Variants in CERKL observed in about 807,000 individuals in gnomAD.
CERKL encodes the protein CERK like autophagy regulator.
A neutral mutation model predicts 63.4 loss-of-function variants in CERKL; 61 were observed. The observed-to-expected ratio is 0.96, with a 90% CI of 0.78 to 1.19. The LOEUF (loss-of-function observed/expected upper bound fraction) is 1.19. CERKL is among the 50% of genes most tolerant of loss of function. The pLI, the probability that CERKL is intolerant of heterozygous loss-of-function variation, is 0.00. For synonymous variants in CERKL, 250 were observed against 230.5 expected, an observed-to-expected ratio of 1.08 and a Z score of -0.77; for missense variants, 675 against 655.5, an observed-to-expected ratio of 1.03 and a Z score of -0.33.
intron 4 of CERKL, among the ~76,000 whole-genome samples, chr2:181,561,163 C>T (rs1688423543): frequency 6.6e-6 from 1 of 152,152 alleles, no homozygotes; most frequent in African/African-American, 2.4e-5. Flanking sequence ...CATGCAATTC[C>T]AGCACTTTGG....
chr2:181,649,188 A>G (rs1216024811), intron 1 of CERKL, among the ~76,000 whole-genome samples: 1 of 152,240 alleles, frequency 6.6e-6, no homozygotes, highest in Non-Finnish European at 1.5e-5. Flanking sequence ...TTAAAGACAG[A>G]CTGAAAGTGA....
intron 1 of CERKL, among the ~76,000 whole-genome samples, chr2:181,629,222 A>G (rs1021519931): frequency 6.6e-6 from 1 of 152,208 alleles, no homozygotes; most frequent in Non-Finnish European, 1.5e-5. Flanking sequence ...CAGAATGCCT[A>G]ACCAAAAAAA....
At chr2:181,584,311 A>G (rs911430373) in intron 2 of CERKL, among the ~76,000 whole-genome samples, 5 of 151,980 alleles carry the variant, frequency 3.3e-5, no homozygotes, top group Non-Finnish European at 7.4e-5. Flanking sequence ...CAGGAGTTAA[A>G]GGCTACCCTA....
At chr2:181,654,660 A>C (rs1295379350) in intron 1 of CERKL, among the ~76,000 whole-genome samples, 1 of 152,182 alleles carries the variant, frequency 6.6e-6, no homozygotes, top group Non-Finnish European at 1.5e-5. Flanking sequence ...ACTTTGATGT[A>C]GCTCCCTCTT....
At chr2:181,541,769 G>A (rs1187279719) in intron 11 of CERKL, among the ~76,000 whole-genome samples, 1 of 152,218 alleles carries the variant, frequency 6.6e-6, no homozygotes, top group Admixed American at 6.5e-5. Context: ...TAGGGGACTG[G>A]TAGTGAGGAA....
At chr2:181,640,433 T>A (rs1400935754) in intron 1 of CERKL, among the ~76,000 whole-genome samples, 1 of 152,090 alleles carries the variant, frequency 6.6e-6, no homozygotes, top group East Asian at 1.9e-4. Flanking sequence ...CGGTCAGAAG[T>A]CTGTGTTTAG....
At chr2:181,612,894 A>G (rs1686027551) in intron 1 of CERKL, among the ~76,000 whole-genome samples, 1 of 152,180 alleles carries the variant, frequency 6.6e-6, no homozygotes, top group African/African-American at 2.4e-5. Flanking sequence ...TTTCTGATTC[A>G]TATGGAAAAT....
intron 2 of CERKL, among the ~76,000 whole-genome samples, chr2:181,591,530 A>G (rs1178815378): frequency 6.6e-6 from 1 of 152,178 alleles, no homozygotes; most frequent in Non-Finnish European, 1.5e-5. Context: ...GGGGCCAAAA[A>G]AAGAGCTGCC....
intron 12 of CERKL, 108 bp downstream of exon 12, chr2:181,538,984 A>G: frequency 7.0e-6 from 6 of 857,248 alleles, no homozygotes; most frequent in Non-Finnish European, 1.2e-5. Context: ...CTGATTTTTT[A>G]AAAACTAACC....
chr2:181,613,827 A>G (rs1686075818), intron 1 of CERKL, among the ~76,000 whole-genome samples: 1 of 152,210 alleles, frequency 6.6e-6, no homozygotes, highest in Non-Finnish European at 1.5e-5. Flanking sequence ...TGCTACATGA[A>G]TAAATGTGAC....
At chr2:181,619,283 G>A (rs1335271638) in intron 1 of CERKL, among the ~76,000 whole-genome samples, 2 of 151,356 alleles carry the variant, frequency 1.3e-5, no homozygotes, top group Non-Finnish European at 2.9e-5. Context: ...GGCACCAACA[G>A]AAAACATGAC....
intron 1 of CERKL, among the ~76,000 whole-genome samples, chr2:181,618,940 C>CT (rs1303440042): frequency 6.6e-6 from 1 of 152,176 alleles, no homozygotes; most frequent in East Asian, 1.9e-4. Context: ...TGCATTGCAT[C>CT]TTTCTTCACC....
rs754044223 is a variant in CERKL at position 181,539,204 on chromosome 2, T to C, written c.1426A>G (p.Asn476Asp). ...VEEVKVHPRNNTGGYNPEEEE... is the reference protein window; with the variant it reads ...VEEVKVHPRNDTGGYNPEEEE... The stretch of plus-strand genomic sequence containing the variant: ...TCCTCTGGATTATATCCACCAGTAT[T>C]ATTCCTTGGATGAACTTTTACTTCC... The change falls in exon 12 of 13, where the codon AAT (asparagine) becomes GAT (aspartate). Residue 476 changes from asparagine to aspartate, a missense_variant. Coordinates refer to ENST00000410087, the MANE Select transcript of CERKL (RefSeq NM_201548.5). 14 of 1,606,180 alleles carry C rather than the reference T, an allele frequency of 8.7e-6. No individual in the cohort carries two copies. The highest frequency in any genetic ancestry group is 1.1e-5 in the Non-Finnish European group (13 of 1,172,978).
At chr2:181,646,653 A>C (rs1458724844) in intron 1 of CERKL, among the ~76,000 whole-genome samples, 1 of 152,254 alleles carries the variant, frequency 6.6e-6, no homozygotes, top group East Asian at 1.9e-4. Context: ...TGGCAGGCAG[A>C]TAGAATGAAG....
Position 181,575,792 on chromosome 2 carries a change from C to T in CERKL, c.482-1908G>A, listed in dbSNP as rs561055291. 3.2e-3 allele frequency among the ~76,000 whole-genome samples: 494 copies of T among 152,204 alleles called. 6 individuals are homozygous for T. The highest frequency in any genetic ancestry group is 7.5e-3 in the Admixed American group (114 of 15,288). Reference sequence around the variant, plus strand: ...TATTATTGCCAAATTCCTAGTCTGCCGGGCCTTCCTTTGTTCAGACAGTTT... The same window carrying T: ...TATTATTGCCAAATTCCTAGTCTGCTGGGCCTTCCTTTGTTCAGACAGTTT... On this transcript the variant is annotated intron_variant, in intron 2 of 12. Coordinates refer to ENST00000410087, the MANE Select transcript of CERKL (RefSeq NM_201548.5).
chr2:181,648,788 A>G (rs768888472), intron 1 of CERKL, among the ~76,000 whole-genome samples: 2 of 152,220 alleles, frequency 1.3e-5, no homozygotes, highest in African/African-American at 2.4e-5. Context: ...TAAATTAGGG[A>G]TGGCGGAGGA....
At position 181,538,022 on chromosome 2, in the gene CERKL, T is replaced by C. The variant is rs1687261533; in HGVS notation, c.*162A>G. 2 of 692,006 alleles carry C rather than the reference T, an allele frequency of 2.9e-6. No individual in the cohort carries two copies. The highest frequency in any genetic ancestry group is 5.4e-6 in the Non-Finnish European group (2 of 369,258). 42.9% of individuals were successfully genotyped at this position (692,006 alleles called of 1,614,324 possible). On this transcript the variant is annotated 3_prime_UTR_variant, in exon 13 of 13. Coordinates refer to ENST00000410087, the MANE Select transcript of CERKL (RefSeq NM_201548.5). ...CAAGAGAATCTAATGCCTGATGATC[T>C]GAGGTGGAACAGTTCATCCTGAAAC...
chr2:181,551,868 T>C (rs992737978), intron 5 of CERKL, among the ~76,000 whole-genome samples: 4 of 152,212 alleles, frequency 2.6e-5, no homozygotes, highest in Non-Finnish European at 5.9e-5. Flanking sequence ...TGTGGAATTT[T>C]CCAGTTGTGG....
intron 2 of CERKL, chr2:181,603,145 A>G (rs1193053477): frequency 7.6e-6 from 2 of 264,362 alleles, no homozygotes; most frequent in Non-Finnish European, 1.6e-5. Context: ...GTAATTCTCA[A>G]TTACCAGAGT....
Sources: gnomAD v4.1 joint callset for allele counts (sites outside exome capture counted in the v4.1 genomes callset) on GRCh38, gnomAD v4.1.1 for gene constraint, MANE v1.5 for transcripts, NCBI Gene and HGNC (gene_info 2026-07-23, HGNC 2026-07-21) for gene names.